The following ASAP1 variants were observed in gnomAD, a reference collection of about 807,000 sequenced individuals.
ASAP1 encodes arf-GAP with SH3 domain, ANK repeat and PH domain-containing protein 1.
A neutral mutation model predicts 145.2 loss-of-function variants in ASAP1; 43 were observed. The ratio of observed to expected loss-of-function variants is 0.30; its 90% CI spans 0.23 to 0.38. The LOEUF is 0.38. Ranked by LOEUF, ASAP1 falls within the 10% of genes least tolerant of loss-of-function variation. The pLI is 1.00. For missense variants in ASAP1, 1,018 were observed against 1,355.3 expected (o/e 0.75, Z 3.91); for synonymous variants, 546 against 515.5 (o/e 1.06, Z -0.80).
At chr8:130,152,851 C>A (rs750209727) in intron 12 of ASAP1, 46 bp from the exon 13 acceptor site, 6 of 1,412,030 alleles carry the variant, frequency 4.2e-6, no homozygotes, top group Non-Finnish European at 5.9e-6. Context: ...CTGATTCACT[C>A]TGGGACATGC....
intron 11 of ASAP1, among the ~76,000 whole-genome samples, chr8:130,164,465 C>T (rs2097675968): frequency 6.6e-6 from 1 of 152,064 alleles, no homozygotes; most frequent in Non-Finnish European, 1.5e-5. Flanking sequence ...GTGGTACATG[C>T]CTGTAGTCCC....
At chr8:130,072,831 G>GTGTGCGTGCGC (rs58907739) in intron 27 of ASAP1, among the ~76,000 whole-genome samples, 3 of 110,760 alleles carry the variant, frequency 2.7e-5, no homozygotes, top group Admixed American at 8.7e-5. Context: ...GTGTGCGCGC[G>GTGTGCGTGCGC]GGGGGGGGCA....
At chr8:130,254,351 A>G (rs567963933) in intron 3 of ASAP1, among the ~76,000 whole-genome samples, 1 of 152,366 alleles carries the variant, frequency 6.6e-6, no homozygotes, top group East Asian at 1.9e-4. Flanking sequence ...TGTGACTAGT[A>G]TAAAACAAGA....
intron 5 of ASAP1, among the ~76,000 whole-genome samples, chr8:130,202,057 C>G (rs1022255168): frequency 2.0e-5 from 3 of 152,112 alleles, no homozygotes; most frequent in Non-Finnish European, 4.4e-5. Context: ...GAGGTCAAAG[C>G]CATCTCTGCT....
At chr8:130,378,581 T>TA (rs1236497611) in intron 2 of ASAP1, among the ~76,000 whole-genome samples, 10 of 152,258 alleles carry the variant, frequency 6.6e-5, no homozygotes, top group African/African-American at 1.7e-4. Context: ...GTCAGACGGG[T>TA]AGGCAAGGGT....
At chr8:130,342,283 C>T (rs914843287) in intron 3 of ASAP1, among the ~76,000 whole-genome samples, 3 of 152,168 alleles carry the variant, frequency 2.0e-5, no homozygotes, top group Non-Finnish European at 4.4e-5. Context: ...TGCACATCCT[C>T]GTCAAGTCAC....
chr8:130,381,845 G>C (rs7007359), intron 2 of ASAP1, among the ~76,000 whole-genome samples: 51,385 of 151,968 alleles, frequency 0.34, 10,329 homozygotes, highest in African/African-American at 0.56. Context: ...TGCCCTGCAC[G>C]CAGGCCTCTG....
At chr8:130,319,378 T>C (rs561113854) in intron 3 of ASAP1, among the ~76,000 whole-genome samples, 7 of 152,334 alleles carry the variant, frequency 4.6e-5, no homozygotes, top group African/African-American at 1.4e-4. Flanking sequence ...ACTGTCGTAT[T>C]AGTGAATGAA....
At chr8:130,117,555 C>G (rs1261212767) in intron 20 of ASAP1, among the ~76,000 whole-genome samples, 6 of 152,198 alleles carry the variant, frequency 3.9e-5, no homozygotes, top group South Asian at 2.1e-4. Context: ...TCCTCCTCAT[C>G]ATCTGTTGCT....
intron 3 of ASAP1, among the ~76,000 whole-genome samples, chr8:130,302,540 G>A (rs1822742738): frequency 6.6e-6 from 1 of 152,172 alleles, no homozygotes; most frequent in African/African-American, 2.4e-5. Flanking sequence ...GGCCTCTAAT[G>A]GGCACTGAAA....
chr8:130,083,827 C>G (rs1269129056), intron 25 of ASAP1: 2 of 152,154 alleles, frequency 1.3e-5, no homozygotes, highest in Non-Finnish European at 2.9e-5. Flanking sequence ...GAGTTTTGCT[C>G]TTGTTGCCCA....
Position 130,127,810 on chromosome 8 carries a change from G to T in ASAP1, c.1381+117C>A, listed in dbSNP as rs567468973. 496 of 1,112,954 alleles carry T rather than the reference G, an allele frequency of 4.5e-4. 1 individual carries two copies. Among genetic ancestry groups the T allele is most frequent in the Non-Finnish European group, 5.7e-4 (457 of 803,112 alleles). 68.9% of individuals were successfully genotyped at this position (1,112,954 alleles called of 1,614,324 possible). ...AAATCACGTTGGGAATACGTGTTTT[G>T]TGTGTGTATGTGAGTGTGTCCATAG... On this transcript the variant is annotated intron_variant, in intron 16 of 29. Transcript: ENST00000518721.
intron 3 of ASAP1, among the ~76,000 whole-genome samples, chr8:130,299,089 G>C (rs1231999647): frequency 6.6e-6 from 1 of 152,104 alleles, no homozygotes; most frequent in African/African-American, 2.4e-5. Context: ...AAGCTAAATG[G>C]GGAGGTGAAA....
At chr8:130,149,877 T>C (rs2097642078) in intron 13 of ASAP1, among the ~76,000 whole-genome samples, 1 of 152,084 alleles carries the variant, frequency 6.6e-6, no homozygotes, top group Non-Finnish European at 1.5e-5. Flanking sequence ...CCAAAGCCAG[T>C]GAAAAGTGGG....
intron 1 of ASAP1, among the ~76,000 whole-genome samples, chr8:130,425,442 G>A (rs139227789): frequency 1.3e-5 from 2 of 151,646 alleles, no homozygotes; most frequent in East Asian, 1.9e-4. Flanking sequence ...CTTTGAACCC[G>A]TGAGGCAGAG....
At chr8:130,108,976 T>C (rs2097542294) in intron 24 of ASAP1, among the ~76,000 whole-genome samples, 2 of 151,922 alleles carry the variant, frequency 1.3e-5, no homozygotes, top group East Asian at 1.9e-4. Context: ...GGTTTCTCCA[T>C]GTTGGTCAGG....
chr8:130,392,627 G>A (rs1462650971), intron 2 of ASAP1, among the ~76,000 whole-genome samples: 1 of 152,178 alleles, frequency 6.6e-6, no homozygotes, highest in Admixed American at 6.5e-5. Context: ...CTGCTCTAAT[G>A]GAATAACTGA....
intron 5 of ASAP1, among the ~76,000 whole-genome samples, chr8:130,200,883 CAATT>C (rs1353958165): frequency 6.6e-6 from 1 of 152,132 alleles, no homozygotes; most frequent in Non-Finnish European, 1.5e-5. Context: ...AAAGTAAAAA[CAATT>C]AATATAAAAG....
intron 27 of ASAP1, among the ~76,000 whole-genome samples, chr8:130,072,639 C>T (rs1158509847): frequency 1.3e-5 from 2 of 151,826 alleles, no homozygotes; most frequent in Non-Finnish European, 2.9e-5. Context: ...TATCTGTATC[C>T]TTTGCAGTAT....
Sources: allele counts gnomAD v4.1 joint callset (sites outside exome capture counted in the v4.1 genomes callset), GRCh38; gene constraint gnomAD v4.1.1; transcripts MANE v1.5; gene names NCBI Gene and HGNC (gene_info 2026-07-23, HGNC 2026-07-21).